Variants in UVRAG observed in about 807,000 individuals in gnomAD.
The protein encoded by UVRAG is UV radiation resistance-associated gene protein.
In UVRAG, 19 loss-of-function variants were observed where a neutral mutation model predicts 78.0. That is an observed-to-expected ratio of 0.24 (90% CI 0.17 to 0.36). The LOEUF is 0.36. Among genes scored for constraint, UVRAG ranks in the 10% least tolerant of loss-of-function variants. The pLI, the probability that UVRAG is intolerant of heterozygous loss-of-function variation, is 1.00. For missense variants in UVRAG, 740 were observed against 853.8 expected (o/e 0.87, Z 1.66); for synonymous variants, 323 against 324.6 (o/e 1.00, Z 0.05).
chr11:75,939,816 G>A (rs79730777), intron 6 of UVRAG, among the ~76,000 whole-genome samples: 2,817 of 152,198 alleles, frequency 0.019, 81 homozygotes, highest in African/African-American at 0.064. Context: ...TAGTATGCTG[G>A]TATAAACTTG....
At chr11:75,977,502 C>T (rs947585121) in intron 7 of UVRAG, among the ~76,000 whole-genome samples, 1 of 152,048 alleles carries the variant, frequency 6.6e-6, no homozygotes, top group Non-Finnish European at 1.5e-5. Context: ...TTGTGTGGGA[C>T]TCTAAGTCTC....
At chr11:75,815,767 C>A (rs1028163327) in intron 1 of UVRAG, among the ~76,000 whole-genome samples, 4 of 152,138 alleles carry the variant, frequency 2.6e-5, no homozygotes, top group African/African-American at 9.7e-5. Context: ...AAGGGACAAG[C>A]AGCCAGCCAG....
chr11:76,056,776 T>A (rs1180125645), intron 12 of UVRAG, among the ~76,000 whole-genome samples: 1 of 152,194 alleles, frequency 6.6e-6, no homozygotes, highest in East Asian at 1.9e-4. Flanking sequence ...TATGTCTAGT[T>A]ATCTTTTTTG....
At chr11:75,872,516 G>A (rs1443593541) in intron 3 of UVRAG, among the ~76,000 whole-genome samples, 1 of 151,640 alleles carries the variant, frequency 6.6e-6, no homozygotes, top group Non-Finnish European at 1.5e-5. Flanking sequence ...AGCCTCCTGA[G>A]TAGCTGAGAT....
intron 1 of UVRAG, among the ~76,000 whole-genome samples, chr11:75,820,547 G>T (rs1192098576): frequency 6.6e-6 from 1 of 151,900 alleles, no homozygotes; most frequent in Non-Finnish European, 1.5e-5. Context: ...TAGAGATGAG[G>T]TTTTGCCATG....
chr11:75,933,107 A>T (rs1234879339), intron 6 of UVRAG, among the ~76,000 whole-genome samples: 1 of 152,244 alleles, frequency 6.6e-6, no homozygotes, highest in African/African-American at 2.4e-5. Context: ...ACTTTAAATT[A>T]TACTACAGAT....
At chr11:75,856,323 T>A (rs910442514) in intron 2 of UVRAG, among the ~76,000 whole-genome samples, 2 of 151,850 alleles carry the variant, frequency 1.3e-5, no homozygotes, top group African/African-American at 4.8e-5. Context: ...TTTTTCATAG[T>A]TATTTTCTTA....
At chr11:75,880,244 T>A (rs570392215) in intron 4 of UVRAG, among the ~76,000 whole-genome samples, 3 of 152,366 alleles carry the variant, frequency 2.0e-5, no homozygotes, top group African/African-American at 7.2e-5. Flanking sequence ...TTTGAATCAT[T>A]GCCTAGTTTA....
intron 14 of UVRAG, among the ~76,000 whole-genome samples, chr11:76,123,588 AT>A (rs1223457959): frequency 6.6e-6 from 1 of 152,056 alleles, no homozygotes; most frequent in African/African-American, 2.4e-5. Context: ...TTTTCATAGG[AT>A]TTTTTTATTC....
intron 12 of UVRAG, among the ~76,000 whole-genome samples, chr11:76,051,756 CCT>C (rs1167655499): frequency 5.9e-5 from 9 of 152,046 alleles, no homozygotes. Flanking sequence ...TATTTTATTT[CCT>C]GTTATATCAA....
chr11:75,919,087 C>G (rs1011723210), intron 6 of UVRAG, among the ~76,000 whole-genome samples: 1 of 152,152 alleles, frequency 6.6e-6, no homozygotes, highest in Non-Finnish European at 1.5e-5. Flanking sequence ...CCAATTTTAA[C>G]AGGAAAATGC....
At chr11:75,956,586 A>T (rs913731652) in intron 6 of UVRAG, among the ~76,000 whole-genome samples, 2 of 151,970 alleles carry the variant, frequency 1.3e-5, no homozygotes, top group South Asian at 2.1e-4. Flanking sequence ...GGGTTTCACC[A>T]TGTTGGCCAG....
At chr11:76,104,274 A>G (rs1951932994) in intron 13 of UVRAG, among the ~76,000 whole-genome samples, 1 of 152,200 alleles carries the variant, frequency 6.6e-6, no homozygotes, top group African/African-American at 2.4e-5. Flanking sequence ...GAGAAAAAGA[A>G]TAGCTGCTAT....
chr11:75,972,780 T>C (rs1383341372), intron 7 of UVRAG, among the ~76,000 whole-genome samples: 4 of 152,252 alleles, frequency 2.6e-5, no homozygotes, highest in Admixed American at 1.3e-4. Context: ...AGTTTTGATA[T>C]TAACAAAATA....
intron 12 of UVRAG, among the ~76,000 whole-genome samples, chr11:76,047,779 C>A (rs1429292593): frequency 6.6e-6 from 1 of 152,120 alleles, no homozygotes; most frequent in African/African-American, 2.4e-5. Flanking sequence ...AATTGTTTCA[C>A]AACTATAAAA....
At chr11:75,863,613 A>T (rs1322670621) in intron 3 of UVRAG, among the ~76,000 whole-genome samples, 1 of 152,008 alleles carries the variant, frequency 6.6e-6, no homozygotes. Context: ...CTGAATGTTA[A>T]CTCCTATCTT....
At position 75,944,467 on chromosome 11, in the gene UVRAG, T is replaced by C. The variant is rs555230775; in HGVS notation, c.594-16977T>C. 1.3e-5 allele frequency among the ~76,000 whole-genome samples: 2 copies of C among 152,284 alleles called. 1 individual carries two copies. The highest frequency in any genetic ancestry group is 4.1e-4 in the South Asian group (2 of 4,828). ...TGACTTGCTATCTAGAGGGAAATTT[T>C]TAAATGCATGGCATAGGGCTCTGCT... On this transcript the variant is annotated intron_variant, in intron 6 of 14. Coordinates refer to ENST00000356136, the MANE Select transcript of UVRAG (RefSeq NM_003369.4).
chr11:75,896,428 G>A (rs1453358477), intron 5 of UVRAG, among the ~76,000 whole-genome samples: 2 of 152,064 alleles, frequency 1.3e-5, no homozygotes, highest in African/African-American at 4.8e-5. Flanking sequence ...GTCTTTTGTG[G>A]GACTGCTGAC....
chr11:75,983,554 C>A (rs1266728245), intron 8 of UVRAG, 41 bp downstream of exon 8: 2 of 1,506,752 alleles, frequency 1.3e-6, no homozygotes, highest in Non-Finnish European at 1.8e-6. Flanking sequence ...CCTCCACATT[C>A]AGTAGTTCTC....
Sources: allele counts gnomAD v4.1 joint callset (sites outside exome capture counted in the v4.1 genomes callset), GRCh38; gene constraint gnomAD v4.1.1; transcripts MANE v1.5; gene names NCBI Gene and HGNC (gene_info 2026-07-23, HGNC 2026-07-21).